The following SFMBT2 variants were observed in gnomAD, a reference collection of about 807,000 sequenced individuals.
The protein encoded by SFMBT2 is Scm like with four mbt domains 2.
Under a neutral mutation model 110.1 loss-of-function variants are expected in SFMBT2, and 38 were observed. The ratio of observed to expected loss-of-function variants is 0.35; its 90% CI spans 0.27 to 0.45. The LOEUF (loss-of-function observed/expected upper bound fraction) is 0.45, where lower values mean the gene tolerates loss of function less well. SFMBT2 is among the 20% of genes least tolerant of loss of function. The pLI is 1.00. For missense variants in SFMBT2, 1,011 were observed against 1,094.9 expected (o/e 0.92, Z 1.08); for synonymous variants, 425 against 425.4 (o/e 1.00, Z 0.01).
At chr10:7,194,199 C>G (rs1186651684) in intron 15 of SFMBT2, among the ~76,000 whole-genome samples, 1 of 152,200 alleles carries the variant, frequency 6.6e-6, no homozygotes, top group Non-Finnish European at 1.5e-5. Flanking sequence ...TTGAGTGACT[C>G]TGGTTCCAGC....
At chr10:7,373,495 C>A (rs953729790) in intron 2 of SFMBT2, among the ~76,000 whole-genome samples, 5 of 152,194 alleles carry the variant, frequency 3.3e-5, no homozygotes, top group African/African-American at 1.2e-4. Context: ...CTCACAGGGG[C>A]AATCTTGAGA....
At chr10:7,375,485 A>G (rs938078205) in intron 2 of SFMBT2, among the ~76,000 whole-genome samples, 7 of 150,270 alleles carry the variant, frequency 4.7e-5, no homozygotes, top group African/African-American at 1.8e-4. Flanking sequence ...GGAAAGAGAC[A>G]GAAAGAAGAC....
chr10:7,274,804 A>G (rs577130155), intron 7 of SFMBT2, among the ~76,000 whole-genome samples: 32 of 151,762 alleles, frequency 2.1e-4, no homozygotes, highest in Non-Finnish European at 4.0e-4. Context: ...ACAGCGAGCT[A>G]TGATCACCCC....
chr10:7,385,707 G>T (rs1336274650), intron 1 of SFMBT2, among the ~76,000 whole-genome samples: 1 of 152,134 alleles, frequency 6.6e-6, no homozygotes, highest in Non-Finnish European at 1.5e-5. Flanking sequence ...CAGTACGAAA[G>T]CCCCTCTCCT....
At chr10:7,327,154 A>C (rs1203079181) in intron 4 of SFMBT2, among the ~76,000 whole-genome samples, 4 of 130,190 alleles carry the variant, frequency 3.1e-5, no homozygotes, top group Middle Eastern at 4.1e-3. Flanking sequence ...AAAAAAAAAA[A>C]GTTCTCCCTA....
chr10:7,395,301 C>T (rs767330965), intron 1 of SFMBT2, among the ~76,000 whole-genome samples: 4 of 152,182 alleles, frequency 2.6e-5, no homozygotes, highest in African/African-American at 4.8e-5. Flanking sequence ...AAGAATTCTA[C>T]GTTGGAAAAA....
At chr10:7,357,416 G>A (rs1168096346) in intron 4 of SFMBT2, among the ~76,000 whole-genome samples, 1 of 152,116 alleles carries the variant, frequency 6.6e-6, no homozygotes, top group Non-Finnish European at 1.5e-5. Flanking sequence ...CAAATAGATT[G>A]AAAGGCTGAC....
At chr10:7,236,735 G>T (rs1169720271) in intron 9 of SFMBT2, among the ~76,000 whole-genome samples, 5 of 151,930 alleles carry the variant, frequency 3.3e-5, no homozygotes, top group African/African-American at 9.7e-5. Flanking sequence ...AATTCTAAAG[G>T]TATATAAACA....
intron 4 of SFMBT2, among the ~76,000 whole-genome samples, chr10:7,326,889 G>C (rs1818104394): frequency 1.3e-5 from 2 of 152,010 alleles, no homozygotes; most frequent in South Asian, 4.2e-4. Context: ...ATTCCCTTTT[G>C]GTGTTCCCCT....
chr10:7,365,624 C>A (rs946032747), intron 4 of SFMBT2, among the ~76,000 whole-genome samples: 3 of 152,142 alleles, frequency 2.0e-5, no homozygotes, highest in Non-Finnish European at 4.4e-5. Flanking sequence ...TCAGTCCATG[C>A]CAGAGAATAT....
intron 1 of SFMBT2, among the ~76,000 whole-genome samples, chr10:7,389,740 C>G (rs1341912299): frequency 6.6e-6 from 1 of 152,198 alleles, no homozygotes; most frequent in East Asian, 1.9e-4. Flanking sequence ...CTCATCAGTT[C>G]AATCAGAAAG....
At chr10:7,265,162 C>A (rs995502633) in intron 7 of SFMBT2, among the ~76,000 whole-genome samples, 1 of 139,520 alleles carries the variant, frequency 7.2e-6, no homozygotes, top group African/African-American at 2.6e-5. Context: ...TTCCCTCCCT[C>A]CCTCCTTCCC....
chr10:7,332,138 C>T (rs1488161353), intron 4 of SFMBT2, among the ~76,000 whole-genome samples: 1 of 151,980 alleles, frequency 6.6e-6, no homozygotes. Flanking sequence ...GGTATTGGCT[C>T]TTGGTACCAA....
chr10:7,172,693 G>T lies in SFMBT2; in HGVS notation c.1985-32C>A. ...GAAGGAAGATGAGAAACTTTTGAAGGCTATACACACACACAGACATGAACA... is the reference window on the plus strand; with the variant it reads ...GAAGGAAGATGAGAAACTTTTGAAGTCTATACACACACACAGACATGAACA... On this transcript the variant is annotated intron_variant, in intron 17 of 20. Transcript: ENST00000397167. This position sits in a 1 kb window ranked among gnomAD's most constrained non-coding sequence, Gnocchi z 4.6. The T allele has an allele frequency of 6.3e-7, 1 of 1,594,708 alleles. No homozygotes were observed. Among genetic ancestry groups the T allele is most frequent in the Non-Finnish European group, 8.6e-7 (1 of 1,167,988 alleles).
At chr10:7,269,097 T>A (rs1841490233) in intron 7 of SFMBT2, among the ~76,000 whole-genome samples, 2 of 152,180 alleles carry the variant, frequency 1.3e-5, no homozygotes. Flanking sequence ...GCTTTTAATG[T>A]CCTTTGAGTT....
intron 4 of SFMBT2, among the ~76,000 whole-genome samples, chr10:7,365,413 T>A (rs866565090): frequency 3.5e-4 from 53 of 152,214 alleles, no homozygotes; most frequent in South Asian, 1.2e-3. Flanking sequence ...AGTAAATCAC[T>A]CGATTACTCA....
chr10:7,204,417 C>CA (rs1839060798), intron 12 of SFMBT2: 1 of 985,254 alleles, frequency 1.0e-6, no homozygotes, highest in African/African-American at 1.7e-5. Context: ...AAGAAAATGT[C>CA]AGAGACGGAA....
chr10:7,348,263 G>T, intron 4 of SFMBT2: 1 of 1,500,334 alleles, frequency 6.7e-7, no homozygotes, highest in South Asian at 1.3e-5. Context: ...TGACGGTCTC[G>T]AAGAAGTTTT....
At chr10:7,277,925 A>T (rs1184940214) in intron 6 of SFMBT2, among the ~76,000 whole-genome samples, 3 of 152,160 alleles carry the variant, frequency 2.0e-5, no homozygotes, top group Non-Finnish European at 2.9e-5. Flanking sequence ...ATCTATTTTG[A>T]TCCTCATAGC....
Sources: gnomAD v4.1 joint callset for allele counts (sites outside exome capture counted in the v4.1 genomes callset) on GRCh38, gnomAD v4.1.1 for gene constraint, Gnocchi (gnomAD v3.1) non-coding constraint, MANE v1.5 for transcripts, NCBI Gene and HGNC (gene_info 2026-07-23, HGNC 2026-07-21) for gene names.